The following SORCS1 variants were observed in gnomAD, a reference collection of about 807,000 sequenced individuals.
The protein encoded by SORCS1 is sortilin related VPS10 domain containing receptor 1.
Under a neutral mutation model 146.1 loss-of-function variants are expected in SORCS1, and 60 were observed. That is an observed-to-expected ratio of 0.41 (90% CI 0.33 to 0.51). The LOEUF is 0.51. Among genes scored for constraint, SORCS1 ranks in the 20% least tolerant of loss-of-function variants. SORCS1 has a pLI of 0.21. For synonymous variants in SORCS1, 637 were observed against 584.0 expected (o/e 1.09, Z -1.31); for missense variants, 1,352 against 1,487.6 (o/e 0.91, Z 1.50).
chr10:106,715,980 T>TG (rs1255554681), intron 6 of SORCS1, among the ~76,000 whole-genome samples: 1 of 152,140 alleles, frequency 6.6e-6, no homozygotes, highest in Non-Finnish European at 1.5e-5. Context: ...CTCGAACTCC[T>TG]GACCTCGTGA....
intron 1 of SORCS1, among the ~76,000 whole-genome samples, chr10:107,132,177 T>C (rs1258418549): frequency 2.0e-5 from 3 of 152,136 alleles, no homozygotes; most frequent in Non-Finnish European, 4.4e-5. Context: ...TCTCTCATCT[T>C]TCCCACCCAT....
intron 1 of SORCS1, among the ~76,000 whole-genome samples, chr10:106,989,305 C>T (rs112547441): frequency 7.1e-6 from 1 of 141,798 alleles, no homozygotes. Flanking sequence ...AAAGAATACT[C>T]CAATGCCTTT....
chr10:107,120,745 C>A (rs2134537286), intron 1 of SORCS1, among the ~76,000 whole-genome samples: 1 of 152,286 alleles, frequency 6.6e-6, no homozygotes, highest in Admixed American at 6.5e-5. Flanking sequence ...TGGCACCAAA[C>A]TGCTACAACT....
At chr10:106,663,744 G>A (rs962921513) in intron 17 of SORCS1, among the ~76,000 whole-genome samples, 1 of 152,196 alleles carries the variant, frequency 6.6e-6, no homozygotes, top group Non-Finnish European at 1.5e-5. Context: ...TCAGTGGTGT[G>A]AGGCCTTCTT....
chr10:107,110,778 T>C (rs947578580), intron 1 of SORCS1, among the ~76,000 whole-genome samples: 2 of 152,192 alleles, frequency 1.3e-5, no homozygotes, highest in African/African-American at 4.8e-5. Context: ...TTCAGTGACC[T>C]AGGAGGAGCC....
In SORCS1 at chr10:106,882,838, G is replaced by T. The variant is rs558924037; in HGVS notation, c.627-53165C>A. Among the ~76,000 whole-genome samples the T allele has an allele frequency of 2.6e-5, 4 of 152,186 alleles. No homozygotes were observed. The East Asian group carries it at 7.7e-4, about 29-fold the overall frequency. ...GAGACGCAGCACAGGCTTGGATTTG[G>T]GGCTCTGCACTTGACAACCTCCTGA... On this transcript the variant is annotated intron_variant, in intron 2 of 25. Coordinates refer to ENST00000263054, the MANE Select transcript of SORCS1 (RefSeq NM_052918.5).
rs560119491 is a variant in SORCS1 at position 106,700,205 on chromosome 10, G to A, written c.1234-812C>T. On this transcript the variant is annotated intron_variant, in intron 8 of 25. Transcript: ENST00000263054. The stretch of plus-strand genomic sequence containing the variant: ...GATAGAATTAAAGCAAAGGTAGCGC[G>A]GAGGCAGTAACAAGTGCCCCTGGGG... Among the ~76,000 whole-genome samples the A allele has an allele frequency of 7.8e-4, 119 of 152,242 alleles. 1 individual carries two copies. The highest frequency in any genetic ancestry group is 2.7e-3 in the African/African-American group (113 of 41,546).
intron 2 of SORCS1, among the ~76,000 whole-genome samples, chr10:106,873,267 T>G (rs1950477842): frequency 6.6e-6 from 1 of 150,826 alleles, no homozygotes; most frequent in Non-Finnish European, 1.5e-5. Context: ...GAGCCAAGAT[T>G]GCACCACTGC....
chr10:107,063,325 A>T (rs1217494390), intron 1 of SORCS1, among the ~76,000 whole-genome samples: 1 of 152,182 alleles, frequency 6.6e-6, no homozygotes, highest in Non-Finnish European at 1.5e-5. Flanking sequence ...GTTTTAGAAA[A>T]AGCTTCAGAA....
chr10:106,614,630 G>A (rs969817409), intron 21 of SORCS1, among the ~76,000 whole-genome samples: 76 of 152,090 alleles, frequency 5.0e-4, no homozygotes, highest in African/African-American at 1.7e-3. Flanking sequence ...CACTTTCTCC[G>A]TACCTCTTAC....
chr10:107,179,904 CTTTTTTTTTTTT>C, the SORCS1 span, among the ~76,000 whole-genome samples: 2 of 51,248 alleles, frequency 3.9e-5, no homozygotes, highest in African/African-American at 8.4e-5. Context: ...ACAAAACAGA[CTTTTTTTTTTTT>C]TTTTTTTTTT....
intron 3 of SORCS1, among the ~76,000 whole-genome samples, chr10:106,823,916 C>A (rs1226956295): frequency 2.6e-5 from 4 of 152,132 alleles, no homozygotes; most frequent in African/African-American, 9.7e-5. Context: ...TTTAATATCC[C>A]CAAAATCTTT....
chr10:106,691,546 C>T (rs1010000441), intron 9 of SORCS1, among the ~76,000 whole-genome samples: 2 of 152,096 alleles, frequency 1.3e-5, no homozygotes, highest in African/African-American at 4.8e-5. Flanking sequence ...TAGCTCAAAC[C>T]TTAAGCCTAA....
intron 1 of SORCS1, among the ~76,000 whole-genome samples, chr10:107,126,841 T>C (rs975672126): frequency 4.6e-5 from 7 of 152,026 alleles, no homozygotes; most frequent in Non-Finnish European, 1.0e-4. Context: ...ACACAGTCTG[T>C]CCATGACAGA....
chr10:106,710,917 C>T (rs1425035190), intron 6 of SORCS1, among the ~76,000 whole-genome samples: 1 of 152,194 alleles, frequency 6.6e-6, no homozygotes, highest in Non-Finnish European at 1.5e-5. Context: ...TCTCAAAGCA[C>T]GTTCTAGATT....
intron 1 of SORCS1, among the ~76,000 whole-genome samples, chr10:107,053,994 T>C (rs1960370753): frequency 6.6e-6 from 1 of 152,154 alleles, no homozygotes; most frequent in Non-Finnish European, 1.5e-5. Flanking sequence ...AAACTGCTGA[T>C]ACCTGGAACC....
intron 2 of SORCS1, among the ~76,000 whole-genome samples, chr10:106,868,511 G>A (rs1434136396): frequency 6.6e-6 from 1 of 152,124 alleles, no homozygotes; most frequent in Non-Finnish European, 1.5e-5. Flanking sequence ...TCAGGCCACA[G>A]TGCAATAAAT....
At chr10:106,596,192 GT>G (rs1357553605) in intron 24 of SORCS1, among the ~76,000 whole-genome samples, 1 of 152,064 alleles carries the variant, frequency 6.6e-6, no homozygotes, top group African/African-American at 2.4e-5. Flanking sequence ...CATTTATGCA[GT>G]TTGCTCACTG....
At chr10:106,708,236 TAAAG>T (rs1272768758) in intron 7 of SORCS1, among the ~76,000 whole-genome samples, 2 of 147,566 alleles carry the variant, frequency 1.4e-5, no homozygotes, top group Non-Finnish European at 2.9e-5. Flanking sequence ...CCCTGAAGAA[TAAAG>T]AAATGGTGTG....
Sources: allele counts gnomAD v4.1 joint callset (sites outside exome capture counted in the v4.1 genomes callset), GRCh38; gene constraint gnomAD v4.1.1; transcripts MANE v1.5; gene names NCBI Gene and HGNC (gene_info 2026-07-23, HGNC 2026-07-21).